The following ACER3 variants were observed in gnomAD, a reference collection of about 807,000 sequenced individuals.
ACER3 encodes the protein alkaline ceramidase 3.
A neutral mutation model predicts 48.9 loss-of-function variants in ACER3; 16 were observed. The observed-to-expected ratio is 0.33, with a 90% CI of 0.22 to 0.50. The LOEUF (loss-of-function observed/expected upper bound fraction) is 0.50. Among genes scored for constraint, ACER3 ranks in the 20% least tolerant of loss-of-function variants. The pLI, the probability that ACER3 is intolerant of heterozygous loss-of-function variation, is 0.98. For synonymous variants in ACER3, 109 were observed against 107.8 expected (o/e 1.01, Z -0.07); for missense variants, 227 against 326.0 (o/e 0.70, Z 2.34).
At position 76,893,621 on chromosome 11, in the gene ACER3, C is replaced by A. The variant is rs1425275696; in HGVS notation, c.103+32542C>A. Among the ~76,000 whole-genome samples the A allele has an allele frequency of 4.6e-5, 7 of 152,162 alleles. No individual in the cohort carries two copies. In the East Asian group the frequency reaches 1.4e-3, roughly 29 times the overall value. ...AATGCTTGAGCCCAGAAGTTTGAGA[C>A]CAGCCTGGGCAACATAGCGAGATCC... On this transcript the variant is annotated intron_variant, in intron 1 of 10. Transcript: ENST00000532485.
At chr11:76,962,333 C>T (rs1361725736) in intron 3 of ACER3, among the ~76,000 whole-genome samples, 4 of 150,100 alleles carry the variant, frequency 2.7e-5, no homozygotes, top group African/African-American at 1.0e-4. Flanking sequence ...GATTCTCCTG[C>T]CTCAGCCTCC....
intron 1 of ACER3, among the ~76,000 whole-genome samples, chr11:76,900,713 G>GT (rs975643332): frequency 1.3e-5 from 2 of 152,156 alleles, no homozygotes; most frequent in African/African-American, 2.4e-5. Context: ...TCTAATGTCA[G>GT]TTTGTTTTCA....
At chr11:76,898,893 G>C (rs998405844) in intron 1 of ACER3, among the ~76,000 whole-genome samples, 8 of 96,778 alleles carry the variant, frequency 8.3e-5, no homozygotes, top group African/African-American at 2.7e-4. Context: ...GACAGAGCGA[G>C]ACTCCGTCTC....
chr11:76,946,270 C>T (rs1247561565), intron 2 of ACER3, among the ~76,000 whole-genome samples: 1 of 152,206 alleles, frequency 6.6e-6, no homozygotes, highest in African/African-American at 2.4e-5. Context: ...CAGCATTAAA[C>T]TTTCTAAATG....
intron 1 of ACER3, among the ~76,000 whole-genome samples, chr11:76,915,626 A>G (rs1490636303): frequency 6.6e-6 from 1 of 152,200 alleles, no homozygotes; most frequent in African/African-American, 2.4e-5. Flanking sequence ...ACTACCTGTA[A>G]CAGTATTAGT....
At chr11:76,934,372 C>T (rs565397104) in intron 2 of ACER3, among the ~76,000 whole-genome samples, 125 of 152,312 alleles carry the variant, frequency 8.2e-4, no homozygotes, top group Middle Eastern at 6.8e-3. Context: ...GCCGAGATCA[C>T]GCCACTGCAC....
At chr11:76,871,472 GGCTACA>G (rs960108042) in intron 1 of ACER3, among the ~76,000 whole-genome samples, 20 of 152,260 alleles carry the variant, frequency 1.3e-4, no homozygotes, top group Admixed American at 1.3e-3. Context: ...GTGAGTAGGG[GGCTACA>G]GCTTACAGGT....
chr11:76,936,228 C>T (rs1162806673), intron 2 of ACER3, among the ~76,000 whole-genome samples: 1 of 152,042 alleles, frequency 6.6e-6, no homozygotes, highest in Non-Finnish European at 1.5e-5. Flanking sequence ...TCCAATAGAC[C>T]ATACAGTAGA....
At chr11:77,006,201 C>T (rs570488253) in intron 7 of ACER3, among the ~76,000 whole-genome samples, 2 of 150,920 alleles carry the variant, frequency 1.3e-5, no homozygotes, top group Admixed American at 1.3e-4. Context: ...GTTGGCCAGG[C>T]GGGTCTCAAA....
rs1228374444 is a variant in ACER3, at chr11:77,005,991, ATTTT to A, written c.497+7182_497+7185del. Among the ~76,000 whole-genome samples the A allele has an allele frequency of 1.8e-3, 181 of 100,870 alleles. 5 individuals carry two copies. The highest frequency in any genetic ancestry group is 7.1e-3 in the African/African-American group (180 of 25,288). The allele number at this position is 100,870 out of a possible 152,430, so 66.2% of individuals were successfully genotyped here. A position where few individuals can be genotyped will look rare whatever the true frequency, so the allele number is the denominator to read the frequency against. On this transcript the variant is annotated intron_variant, in intron 7 of 10. Transcript: ENST00000532485. Reference sequence around the variant, plus strand: ...TATATACATATATATATATATATATATTTTTTTTTTTTTTTGAGCCAGAGTTTCA... The same window carrying A: ...TATATACATATATATATATATATATATTTTTTTTTTTGAGCCAGAGTTTCA...
At chr11:77,008,096 G>A (rs1949191339) in intron 7 of ACER3, among the ~76,000 whole-genome samples, 1 of 152,086 alleles carries the variant, frequency 6.6e-6, no homozygotes. Flanking sequence ...GAAAAGACAT[G>A]GAACTCACCA....
chr11:76,968,025 T>C (rs1948185110), intron 3 of ACER3, among the ~76,000 whole-genome samples: 1 of 152,198 alleles, frequency 6.6e-6, no homozygotes, highest in Non-Finnish European at 1.5e-5. Flanking sequence ...GATGACATGA[T>C]TGTATACCTA....
chr11:76,861,568 G>A (rs1180464562), intron 1 of ACER3, among the ~76,000 whole-genome samples: 1 of 152,106 alleles, frequency 6.6e-6, no homozygotes, highest in Non-Finnish European at 1.5e-5. Flanking sequence ...CCTTTTCACT[G>A]GAATATTAGA....
At chr11:76,979,958 G>A (rs1294835512) in intron 4 of ACER3, among the ~76,000 whole-genome samples, 1 of 152,020 alleles carries the variant, frequency 6.6e-6, no homozygotes. Context: ...GGGCAACATA[G>A]GGAGACCTTA....
intron 2 of ACER3, among the ~76,000 whole-genome samples, chr11:76,942,179 C>T (rs1386380699): frequency 6.6e-6 from 1 of 151,954 alleles, no homozygotes; most frequent in East Asian, 1.9e-4. Flanking sequence ...TGCCTGATTG[C>T]TCTGGCTAGA....
chr11:76,875,571 C>T (rs1187857210), intron 1 of ACER3, among the ~76,000 whole-genome samples: 1 of 152,026 alleles, frequency 6.6e-6, no homozygotes, highest in Non-Finnish European at 1.5e-5. Context: ...ATTCCTTTCT[C>T]CATCCATCAG....
intron 1 of ACER3, among the ~76,000 whole-genome samples, chr11:76,890,356 C>T (rs972083340): frequency 3.9e-5 from 6 of 152,078 alleles, no homozygotes; most frequent in East Asian, 1.9e-4. Flanking sequence ...CAGCATTTAG[C>T]GCAGAGTCTA....
At chr11:76,908,161 G>A (rs1303493261) in intron 1 of ACER3, among the ~76,000 whole-genome samples, 1 of 150,738 alleles carries the variant, frequency 6.6e-6, no homozygotes, top group Admixed American at 6.6e-5. Context: ...ACTTGAACCT[G>A]GGAGGTGGAG....
chr11:76,923,010 T>G (rs1228549598), intron 1 of ACER3, among the ~76,000 whole-genome samples: 1 of 152,114 alleles, frequency 6.6e-6, no homozygotes, highest in African/African-American at 2.4e-5. Context: ...GTATTAATTT[T>G]TATTTTATCA....
Sources: allele counts gnomAD v4.1 joint callset (sites outside exome capture counted in the v4.1 genomes callset), GRCh38; gene constraint gnomAD v4.1.1; transcripts MANE v1.5; gene names NCBI Gene and HGNC (gene_info 2026-07-23, HGNC 2026-07-21).